Variants in TMEM70 observed in about 807,000 individuals in gnomAD.
TMEM70 encodes transmembrane protein 70, mitochondrial.
TMEM70 carries 15 observed loss-of-function variants against 20.5 expected under a neutral mutation model. The ratio of observed to expected loss-of-function variants is 0.73; its 90% CI spans 0.49 to 1.13. TMEM70 has a LOEUF of 1.13. TMEM70 is among the 50% of genes most tolerant of loss of function. The pLI is 0.00. For missense variants in TMEM70, 344 were observed against 331.7 expected (o/e 1.04, Z -0.29); for synonymous variants, 141 against 134.2 (o/e 1.05, Z -0.35).
At chr8:73,976,523 A>G (rs1168362634) in intron 1 of TMEM70, 32 bp downstream of exon 1, 1 of 1,482,978 alleles carries the variant, frequency 6.7e-7, no homozygotes, top group Non-Finnish European at 8.9e-7. Flanking sequence ...GTCCCAAGTG[A>G]GGCGGGGAGG....
Position 73,981,407 on chromosome 8 carries a change from A to G in TMEM70, c.569A>G (p.Glu190Gly), listed in dbSNP as rs1451875990. 6.2e-7 allele frequency: 1 copy of G among 1,614,246 alleles called. No homozygotes were observed. Residue 190 changes from glutamate (E) to glycine (G), a missense_variant, in exon 3 of 3, where the codon GAA (glutamate) becomes GGA (glycine). Glu to Gly is a moderately conservative substitution (Grantham distance 98). Coordinates refer to ENST00000312184, the MANE Select transcript of TMEM70 (RefSeq NM_017866.6). ...KAITYNAMLA[E>G]TSTVFHQNDV... ...ATTACCTACAATGCTATGCTTGCAG[A>G]AACGAGTACAGTGTTTCACCAGAAT...
chr8:73,981,197 C>A lies in TMEM70; in HGVS notation c.359C>A (p.Thr120Lys). Reference protein sequence around the residue: ...FSYSTSLIGLTFLPYIFTQNN... With the variant: ...FSYSTSLIGLKFLPYIFTQNN... Reference sequence around the variant, plus strand: ...TATTCTACGAGTCTGATTGGCCTTACATTTCTGCCATACATTTTTACACAA... The same window carrying A: ...TATTCTACGAGTCTGATTGGCCTTAAATTTCTGCCATACATTTTTACACAA... Residue 120 changes from threonine to lysine, a missense_variant, in exon 3 of 3, where the codon ACA (threonine) becomes AAA (lysine). Thr to Lys is a moderately conservative substitution (Grantham distance 78). Transcript: ENST00000312184. 1.9e-6 allele frequency: 3 copies of A among 1,614,102 alleles called. No individual in the cohort carries two copies. The highest frequency in any genetic ancestry group is 2.5e-6 in the Non-Finnish European group (3 of 1,180,008).
chr8:73,976,261 C>T lies in TMEM70; in HGVS notation c.-21C>T. On this transcript the variant is annotated 5_prime_UTR_variant, in exon 1 of 3. Coordinates refer to ENST00000312184, the MANE Select transcript of TMEM70 (RefSeq NM_017866.6). ...TGGACTCGTGCAGCTGGGGCGTCCG[C>T]AGCCGCTCGTCACCCGCGTGATGCT... 6.3e-7 allele frequency: 1 copy of T among 1,595,332 alleles called. No individual in the cohort carries two copies. The highest frequency in any genetic ancestry group is 8.5e-7 in the Non-Finnish European group (1 of 1,177,556).
intron 2 of TMEM70, 94 bp downstream of exon 2, chr8:73,978,955 C>G: frequency 1.4e-6 from 2 of 1,458,440 alleles, no homozygotes; most frequent in Non-Finnish European, 1.9e-6. Flanking sequence ...TATGGCATCC[C>G]TTAATTACAA....
At position 73,976,426 on chromosome 8, in the gene TMEM70, G is replaced by C; in HGVS notation, c.145G>C (p.Val49Leu). Reference protein sequence around the residue: ...ASSSSGPSGPVAGWSTGPSGA... With the variant: ...ASSSSGPSGPLAGWSTGPSGA... The stretch of plus-strand genomic sequence containing the variant: ...CTCCAGCAGCGGGCCTTCGGGGCCG[G>C]TAGCCGGCTGGAGTACGGGGCCTTC... The change falls in exon 1 of 3, where the codon GTA (valine) becomes CTA (leucine). Residue 49 changes from valine to leucine, a missense_variant. Val to Leu is a conservative substitution (Grantham distance 32, BLOSUM62 1). Transcript: ENST00000312184. The C allele has an allele frequency of 6.3e-7, 1 of 1,575,110 alleles. No homozygotes were observed.
Position 73,982,039 on chromosome 8 carries a change from C to T in TMEM70, c.*418C>T, listed in dbSNP as rs1451652631. On this transcript the variant is annotated 3_prime_UTR_variant, in exon 3 of 3. Transcript: ENST00000312184. ...TAGGTGGTGCGGAGCTGTGGTCCAC[C>T]TGCTCCTGCTCCTGACTCACTGCTC... 2.1e-6 allele frequency: 1 copy of T among 465,418 alleles called. No individual in the cohort carries two copies. Among genetic ancestry groups the T allele is most frequent in the African/African-American group, 2.0e-5 (1 of 50,544 alleles). 28.8% of individuals were successfully genotyped at this position (465,418 alleles called of 1,614,324 possible).
chr8:73,978,487 C>G (rs1027779446), intron 1 of TMEM70, among the ~76,000 whole-genome samples: 5 of 150,300 alleles, frequency 3.3e-5, no homozygotes, highest in Non-Finnish European at 5.9e-5. Flanking sequence ...GTCAAGAGTT[C>G]AAGACCAGTC....
At chr8:73,979,050 T>C (rs894517370) in intron 2 of TMEM70, 189 bp downstream of exon 2, 22 of 736,474 alleles carry the variant, frequency 3.0e-5, no homozygotes, top group Non-Finnish European at 4.6e-5. Context: ...AGATTTTTAT[T>C]TGAGACAGAG....
At chr8:73,976,518 A>G (rs748802338) in intron 1 of TMEM70, 27 bp downstream of exon 1, 103 of 1,493,522 alleles carry the variant, frequency 6.9e-5, no homozygotes, top group Non-Finnish European at 8.8e-5. Context: ...CTGGTGTCCC[A>G]AGTGAGGCGG....
At chr8:73,980,293 T>C (rs1248016240) in intron 2 of TMEM70, among the ~76,000 whole-genome samples, 1 of 152,214 alleles carries the variant, frequency 6.6e-6, no homozygotes, top group Non-Finnish European at 1.5e-5. Flanking sequence ...TTCGCCATGC[T>C]GGCCAGGCTG....
In TMEM70 at chr8:73,981,472, T is replaced by A; in HGVS notation, c.634T>A (p.Phe212Ile). Residue 212 changes from phenylalanine (F) to isoleucine (I), a missense_variant, in exon 3 of 3, where the codon TTT becomes ATT. Transcript: ENST00000312184. The part of the protein sequence containing the change: ...IPDAKHVFTT[F>I]YAKTKSLLVN... ...AGATGCTAAACATGTATTTACCACA[T>A]TTTATGCTAAAACAAAATCACTGTT... 6.2e-7 allele frequency: 1 copy of A among 1,614,168 alleles called. No homozygotes were observed. Among genetic ancestry groups the A allele is most frequent in the Non-Finnish European group, 8.5e-7 (1 of 1,180,020 alleles).
At chr8:73,976,855 C>T (rs1465464002) in intron 1 of TMEM70, among the ~76,000 whole-genome samples, 1 of 152,226 alleles carries the variant, frequency 6.6e-6, no homozygotes, top group Non-Finnish European at 1.5e-5. Context: ...GTTAACCTGA[C>T]TTTGAGCTTG....
Position 73,981,391 on chromosome 8 carries a change from A to G in TMEM70, c.553A>G (p.Asn185Asp). Residue 185 changes from asparagine to aspartate, a missense_variant, in exon 3 of 3, where the codon AAT (asparagine) becomes GAT (aspartate). Transcript: ENST00000312184. ...TTDTYKAITY[N>D]AMLAETSTVF... ...AGACACTTATAAAGCCATTACCTAC[A>G]ATGCTATGCTTGCAGAAACGAGTAC... 6.2e-7 allele frequency: 1 copy of G among 1,614,200 alleles called. No homozygotes were observed. Among genetic ancestry groups the G allele is most frequent in the Non-Finnish European group, 8.5e-7 (1 of 1,180,028 alleles).
intron 1 of TMEM70, among the ~76,000 whole-genome samples, chr8:73,978,518 C>T (rs971653049): frequency 2.1e-4 from 32 of 151,380 alleles, no homozygotes; most frequent in African/African-American, 7.5e-4. Flanking sequence ...GGTGAAACCC[C>T]GTCTCTAATA....
At chr8:73,976,534 G>A (rs1815653451) in intron 1 of TMEM70, 43 bp downstream of exon 1, 1 of 1,469,120 alleles carries the variant, frequency 6.8e-7, no homozygotes. Context: ...GGCGGGGAGG[G>A]CGGGCGTCGT....
rs1815652688 is a variant in TMEM70, at chr8:73,976,509, T to G, written c.210+18T>G. 1 of 1,507,278 alleles carries G rather than the reference T, an allele frequency of 6.6e-7. No individual in the cohort carries two copies. The highest frequency in any genetic ancestry group is 8.8e-7 in the Non-Finnish European group (1 of 1,132,770). 93.4% of individuals were successfully genotyped at this position (1,507,278 alleles called of 1,614,324 possible). On this transcript the variant is annotated intron_variant, in intron 1 of 2. Transcript: ENST00000312184. ...GAGCGCAGGTAGGGCGTCCGAGGTC[T>G]GGTGTCCCAAGTGAGGCGGGGAGGG...
intron 1 of TMEM70, among the ~76,000 whole-genome samples, chr8:73,977,108 C>G (rs1435454577): frequency 6.6e-6 from 1 of 152,220 alleles, no homozygotes; most frequent in Non-Finnish European, 1.5e-5. Flanking sequence ...AGTGTATACA[C>G]TGTGAAACTC....
At chr8:73,978,943 G>A in intron 2 of TMEM70, 82 bp downstream of exon 2, 1 of 1,513,470 alleles carries the variant, frequency 6.6e-7, no homozygotes, top group Non-Finnish European at 9.1e-7. Flanking sequence ...CTTACTTGTT[G>A]TTATGGCATC....
chr8:73,982,316 A>G lies in TMEM70; in HGVS notation c.*695A>G, dbSNP rs1373642618. On this transcript the variant is annotated 3_prime_UTR_variant, in exon 3 of 3. Transcript: ENST00000312184. ...TACCAAGACTTTGAGAATCACTACAAGAAAAACTTACGGTGAAGGTTCTAA... is the reference window on the plus strand; with the variant it reads ...TACCAAGACTTTGAGAATCACTACAGGAAAAACTTACGGTGAAGGTTCTAA... 3.1e-6 allele frequency: 2 copies of G among 650,298 alleles called. No individual in the cohort carries two copies. Among genetic ancestry groups the G allele is most frequent in the Non-Finnish European group, 5.7e-6 (2 of 349,096 alleles). The allele number at this position is 650,298 out of a possible 1,614,324, so 40.3% of individuals were successfully genotyped here.
Sources: allele counts gnomAD v4.1 joint callset (sites outside exome capture counted in the v4.1 genomes callset), GRCh38; gene constraint gnomAD v4.1.1; transcripts MANE v1.5; gene names NCBI Gene and HGNC (gene_info 2026-07-23, HGNC 2026-07-21).